Variants in ENO4 observed in about 807,000 individuals in gnomAD.
The protein encoded by ENO4 is enolase 4, also known as 2-phospho-D-glycerate hydro-lyase.
In ENO4, 53 loss-of-function variants were observed where a neutral mutation model predicts 63.2. The observed-to-expected ratio is 0.84, with a 90% CI of 0.67 to 1.05. The LOEUF is 1.05. ENO4 is among the 50% of genes least tolerant of loss of function. The pLI is 0.00. For synonymous variants in ENO4, 266 were observed against 283.8 expected (o/e 0.94, Z 0.63); for missense variants, 719 against 772.0 (o/e 0.93, Z 0.81).
rs1043095596 is a variant in ENO4, at chr10:116,879,898, G to A, written c.1635G>A (p.Lys545=). The change falls in exon 13 of 14, where the codon AAG becomes AAA. Residue 545 remains lysine, a synonymous_variant. Coordinates refer to ENST00000341276, the MANE Select transcript of ENO4 (RefSeq NM_001242699.2). ...LAVGLGVRFI[K]LGGLSRGERV... ...TTGGGCTTGGTGTCCGGTTCATCAA[G>A]TTGGGGGGTCTTTCCCGTGGTGAAC... is the stretch of plus-strand genomic sequence containing the variant. 6.4e-7 allele frequency: 1 copy of A among 1,550,538 alleles called. No homozygotes were observed. The highest frequency in any genetic ancestry group is 1.2e-5 in the South Asian group (1 of 83,992).
intron 12 of ENO4, 45 bp from the exon 13 acceptor site, chr10:116,879,824 A>C (rs1846950220): frequency 1.4e-6 from 2 of 1,403,548 alleles, no homozygotes; most frequent in Non-Finnish European, 2.0e-6. Flanking sequence ...TCGTTTAGCA[A>C]GACATGGCTC....
downstream of ENO4, chr10:116,883,477 T>G (rs2133289958): frequency 6.6e-6 from 1 of 152,304 alleles, no homozygotes; most frequent in Non-Finnish European, 1.5e-5. Flanking sequence ...GACAGATGGT[T>G]ATCCATTCTC....
At chr10:116,861,685 T>C (rs1846418879) in intron 6 of ENO4, among the ~76,000 whole-genome samples, 1 of 152,152 alleles carries the variant, frequency 6.6e-6, no homozygotes, top group South Asian at 2.1e-4. Flanking sequence ...TACTCCTCAG[T>C]AGCCTGAAAG....
In ENO4 at chr10:116,876,929, C is replaced by T. The variant is rs967429385; in HGVS notation, c.1537+669C>T. On this transcript the variant is annotated intron_variant, in intron 11 of 13. Transcript: ENST00000341276. ...TCGCGCCACTGCACTCCAGCCTGGG[C>T]GACAGGGAGACTCCGTCTCAAAATT... 3.3e-5 allele frequency among the ~76,000 whole-genome samples: 5 copies of T among 151,764 alleles called. No homozygotes were observed. In the South Asian group the frequency reaches 6.3e-4, roughly 19 times the overall value.
At position 116,901,002 on chromosome 10, in the gene ENO4, T is replaced by C. The variant is rs1244431751; in HGVS notation, c.1195-10497T>C. The C allele has an allele frequency of 6.1e-6, 6 of 985,358 alleles. No individual in the cohort carries two copies. In the East Asian group the frequency reaches 5.7e-4, roughly 93 times the overall value. 61.0% of individuals were successfully genotyped at this position (985,358 alleles called of 1,614,324 possible). On this transcript the variant is annotated intron_variant, in intron 10 of 10. Coordinates refer to the ENO4 transcript ENST00000369207. ...GACAGCTAGAGTTACAAAAAAGGGG[T>C]TCTTTCTCTCTTGATAGGACAGGAA...
intron 1 of ENO4, 114 bp downstream of exon 1, chr10:116,849,845 G>C: frequency 1.7e-6 from 2 of 1,197,278 alleles, no homozygotes; most frequent in Non-Finnish European, 2.3e-6. Context: ...CCAGCCGCCC[G>C]GGCCCTGGGC....
At chr10:116,889,898 T>C (rs1847281970) in intron 10 of ENO4, among the ~76,000 whole-genome samples, 2 of 152,200 alleles carry the variant, frequency 1.3e-5, no homozygotes, top group Non-Finnish European at 2.9e-5. Context: ...CTAGGTCCAC[T>C]CTTGGCTCCC....
chr10:116,887,951 C>T (rs914012011), intron 10 of ENO4, among the ~76,000 whole-genome samples: 1 of 152,194 alleles, frequency 6.6e-6, no homozygotes, highest in African/African-American at 2.4e-5. Flanking sequence ...CGGTCACGGG[C>T]ACAAAACCTC....
chr10:116,911,576 C>T (rs1012897650), exon 11 of ENO4: 1 of 1,550,874 alleles, frequency 6.4e-7, no homozygotes, highest in Non-Finnish European at 8.7e-7. Context: ...AGTGTAACCA[C>T]TCTTTTAGAA....
rs1001691958 is a variant in ENO4 at position 116,881,699 on chromosome 10, C to G, written c.*30C>G. ...GTACACACCCCAGGTTCCAGCCACA[C>G]CATCAGTATTAGTAGACCGGGAGGT... is the stretch of plus-strand genomic sequence containing the variant. On this transcript the variant is annotated 3_prime_UTR_variant, in exon 14 of 14. Transcript: ENST00000341276. 1.4e-6 allele frequency: 2 copies of G among 1,456,776 alleles called. No individual in the cohort carries two copies. The highest frequency in any genetic ancestry group is 5.5e-5 in the Admixed American group (2 of 36,498). 90.2% of individuals were successfully genotyped at this position (1,456,776 alleles called of 1,614,324 possible).
At position 116,881,506 on chromosome 10, in the gene ENO4, T is replaced by C; in HGVS notation, c.1724-9T>C. ...ATTAGACAGTAAACTTTATTGTTAC[T>C]TTAAATAGGTTTCAAAGAAGAACAC... On this transcript the variant is annotated splice_polypyrimidine_tract_variant and intron_variant, in intron 13 of 13. Transcript: ENST00000341276. 2.0e-6 allele frequency: 3 copies of C among 1,532,402 alleles called. No homozygotes were observed. The highest frequency in any genetic ancestry group is 1.4e-5 in the African/African-American group (1 of 72,122). The allele number at this position is 1,532,402 out of a possible 1,614,324, so 94.9% of individuals were successfully genotyped here.
At position 116,879,274 on chromosome 10, in the gene ENO4, A is replaced by G. The variant is rs1846929815; in HGVS notation, c.1538-17A>G. 1.3e-6 allele frequency: 2 copies of G among 1,541,168 alleles called. No homozygotes were observed. The highest frequency in any genetic ancestry group is 2.0e-5 in the Admixed American group (1 of 50,106). On this transcript the variant is annotated splice_polypyrimidine_tract_variant and intron_variant, in intron 11 of 13. Coordinates refer to ENST00000341276, the MANE Select transcript of ENO4 (RefSeq NM_001242699.2). ...ACTTTCTACACCATATAAAACTGAA[A>G]GAAATTCCTCTTCCAGGTAAGAAGC...
At chr10:116,889,543 G>A (rs1847269726) in intron 10 of ENO4, among the ~76,000 whole-genome samples, 1 of 152,150 alleles carries the variant, frequency 6.6e-6, no homozygotes, top group African/African-American at 2.4e-5. Flanking sequence ...TAGGGCAATC[G>A]TCTAGTCTGA....
chr10:116,869,592 C>T (rs1846636191), intron 8 of ENO4, among the ~76,000 whole-genome samples: 1 of 152,156 alleles, frequency 6.6e-6, no homozygotes, highest in Non-Finnish European at 1.5e-5. Flanking sequence ...ATCCTGTCAA[C>T]AGTTTGTATA....
intron 10 of ENO4, among the ~76,000 whole-genome samples, chr10:116,902,468 T>C (rs1256495121): frequency 6.6e-6 from 1 of 152,208 alleles, no homozygotes; most frequent in East Asian, 1.9e-4. Context: ...GTGGATTTGT[T>C]TCCTCTTAAA....
intron 10 of ENO4, among the ~76,000 whole-genome samples, chr10:116,892,681 G>A (rs1847375251): frequency 1.3e-5 from 2 of 152,126 alleles, no homozygotes; most frequent in African/African-American, 4.8e-5. Context: ...AAGATCGAAA[G>A]TCACAAATTA....
Position 116,874,160 on chromosome 10 carries a change from T to C in ENO4, c.1300T>C (p.Tyr434His), listed in dbSNP as rs1388983658. The C allele has an allele frequency of 5.8e-6, 9 of 1,548,774 alleles. No individual in the cohort carries two copies. Among genetic ancestry groups the C allele is most frequent in the Non-Finnish European group, 7.9e-6 (9 of 1,145,510 alleles). ...CCTGTATGTGGATCTGATCAACAAG[T>C]ACCCTTCAATTATTGCCTTAATTGA... ...VDLYVDLINK[Y>H]PSIIALIDPF... is the part of the protein sequence containing the mutation. The change falls in exon 10 of 14, where the codon TAC (tyrosine) becomes CAC (histidine). Residue 434 changes from tyrosine to histidine, a missense_variant. Physicochemically the swap from Tyr to His is moderately conservative, Grantham distance 83. This residue lies in a region of ENO4 where 544 missense variants were observed against 583.6 expected (regional missense o/e 0.93). Coordinates refer to ENST00000341276, the MANE Select transcript of ENO4 (RefSeq NM_001242699.2).
downstream of ENO4, chr10:116,886,171 A>G (rs933487560): frequency 2.1e-5 from 20 of 932,616 alleles, no homozygotes; most frequent in East Asian, 2.6e-5. Flanking sequence ...GTGTTTTGCT[A>G]AACAGCTTAC....
At position 116,905,082 on chromosome 10, in the gene ENO4, T is replaced by C. The variant is rs1429876350; in HGVS notation, c.1195-6417T>C. 1.5e-4 allele frequency among the ~76,000 whole-genome samples: 23 copies of C among 151,662 alleles called. No homozygotes were observed. The East Asian group carries it at 4.3e-3, about 28-fold the overall frequency. ...CGGGCGCGGTGGCGGGCGCCTGTAG[T>C]CCCAGCTACTGGGGAGGCTGAGGCA... On this transcript the variant is annotated intron_variant, in intron 10 of 10. Coordinates refer to the ENO4 transcript ENST00000369207.
Sources: gnomAD v4.1 joint callset for allele counts (sites outside exome capture counted in the v4.1 genomes callset) on GRCh38, gnomAD v4.1.1 for gene constraint, gnomAD v4.1.1 regional missense constraint, MANE v1.5 for transcripts, NCBI Gene and HGNC (gene_info 2026-07-23, HGNC 2026-07-21) for gene names.